The following HDAC5 variants were observed in gnomAD, a reference collection of about 807,000 sequenced individuals.
HDAC5 encodes the protein histone deacetylase 5, also known as antigen NY-CO-9.
In HDAC5, 25 loss-of-function variants were observed where a neutral mutation model predicts 133.3. That is an observed-to-expected ratio of 0.19 (90% confidence interval 0.14 to 0.26). The LOEUF is 0.26. Ranked by LOEUF, HDAC5 falls within the 10% of genes least tolerant of loss-of-function variation. The pLI, the probability that HDAC5 is intolerant of heterozygous loss-of-function variation, is 1.00. For missense variants in HDAC5, 1,041 were observed against 1,460.5 expected, an observed-to-expected ratio of 0.71 and a Z score of 4.68; for synonymous variants, 589 against 610.8, an observed-to-expected ratio of 0.96 and a Z score of 0.53.
intron 3 of HDAC5, among the ~76,000 whole-genome samples, chr17:44,109,204 G>A (rs1281544581): frequency 6.6e-6 from 1 of 152,222 alleles, no homozygotes; most frequent in Non-Finnish European, 1.5e-5. Context: ...GCGTGGAGCT[G>A]TCCCAAGCAG....
At chr17:44,119,504 T>A (rs970875803) in intron 1 of HDAC5, among the ~76,000 whole-genome samples, 8 of 152,156 alleles carry the variant, frequency 5.3e-5, no homozygotes, top group African/African-American at 1.9e-4. Context: ...TCCTCACCCC[T>A]GAGGCAGAAG....
At chr17:44,115,573 G>A (rs182635051) in intron 2 of HDAC5, among the ~76,000 whole-genome samples, 2 of 152,192 alleles carry the variant, frequency 1.3e-5, no homozygotes, top group Non-Finnish European at 2.9e-5. Context: ...GAGCTGGGGG[G>A]AGGCTGACTA....
At chr17:44,091,535 A>AAAGT (rs763948107) in intron 10 of HDAC5, 43 bp from the exon 11 acceptor site, 1 of 1,518,770 alleles carries the variant, frequency 6.6e-7, no homozygotes. Context: ...CAGTCCTGCC[A>AAAGT]ACTTTGGACT....
chr17:44,091,613 C>A (rs2050954610), intron 10 of HDAC5, 87 bp downstream of exon 10: 1 of 1,498,612 alleles, frequency 6.7e-7, no homozygotes, highest in Non-Finnish European at 8.9e-7. Context: ...CCCTTAGGGC[C>A]TTGGAAGGGG....
intron 23 of HDAC5, among the ~76,000 whole-genome samples, chr17:44,079,858 C>A (rs561908046): frequency 1.4e-3 from 215 of 152,220 alleles, no homozygotes; most frequent in African/African-American, 5.0e-3. Context: ...CAGGGACCAA[C>A]AAGCCCATCT....
At chr17:44,082,718 T>C (rs570767798) in intron 19 of HDAC5, 46 bp from the exon 20 acceptor site, 4 of 1,610,950 alleles carry the variant, frequency 2.5e-6, no homozygotes, top group African/African-American at 1.3e-5. Context: ...AGCATGACGT[T>C]TGCAAGAGAC....
intron 2 of HDAC5, among the ~76,000 whole-genome samples, chr17:44,114,438 G>C (rs939475285): frequency 9.5e-5 from 10 of 105,046 alleles, no homozygotes; most frequent in Admixed American, 4.6e-4. Flanking sequence ...GAGCAGGCGT[G>C]GGGGGGGGGG....
chr17:44,113,426 A>G (rs1311204059), intron 2 of HDAC5, among the ~76,000 whole-genome samples: 1 of 152,208 alleles, frequency 6.6e-6, no homozygotes, highest in African/African-American at 2.4e-5. Flanking sequence ...TGCAATTCCC[A>G]GAACCCTCCA....
rs1432613948 is a variant in HDAC5 at position 44,091,256 on chromosome 17, A to G, written c.1387+14T>C. 3.1e-6 allele frequency: 5 copies of G among 1,599,402 alleles called. No homozygotes were observed. In the East Asian group the frequency reaches 1.1e-4, roughly 36 times the overall value. On this transcript the variant is annotated intron_variant, in intron 11 of 26. Transcript: ENST00000682912. ...CCTTAGCCCCCTCCCTTGCACAGCT[A>G]CCTGTCCACTCACCAGCAATGAGGG... is the stretch of plus-strand genomic sequence containing the variant.
In HDAC5 at chr17:44,116,532, T is replaced by C. The variant is rs760003023; in HGVS notation, c.22+962A>G. Among the ~76,000 whole-genome samples the C allele has an allele frequency of 3.9e-5, 6 of 152,320 alleles. No individual in the cohort carries two copies. In the South Asian group the frequency reaches 8.3e-4, roughly 21 times the overall value. On this transcript the variant is annotated intron_variant, in intron 2 of 26. Coordinates refer to ENST00000682912, the MANE Select transcript of HDAC5 (RefSeq NM_005474.5). ...AATGGGTATTCATCCTAGGCCCCAATTGCCCTATCTCTAAAAGGAGAAATA... is the reference window on the plus strand; with the variant it reads ...AATGGGTATTCATCCTAGGCCCCAACTGCCCTATCTCTAAAAGGAGAAATA...
At chr17:44,114,111 C>T (rs2052501503) in intron 2 of HDAC5, among the ~76,000 whole-genome samples, 1 of 152,266 alleles carries the variant, frequency 6.6e-6, no homozygotes, top group Non-Finnish European at 1.5e-5. Flanking sequence ...TACTTCCCCT[C>T]AGGGTTGACC....
intron 25 of HDAC5, 54 bp from the exon 26 acceptor site, chr17:44,078,719 A>G (rs1597920119): frequency 6.2e-7 from 1 of 1,609,574 alleles, no homozygotes; most frequent in East Asian, 2.2e-5. Flanking sequence ...ACCCACATGA[A>G]CAGTCCCAGT....
chr17:44,095,440 A>G (rs987114237), intron 3 of HDAC5, among the ~76,000 whole-genome samples: 2 of 151,940 alleles, frequency 1.3e-5, no homozygotes, highest in African/African-American at 4.8e-5. Context: ...GACCTTCTGG[A>G]TATCTCTACC....
At chr17:44,109,111 A>G (rs996144933) in intron 3 of HDAC5, among the ~76,000 whole-genome samples, 6 of 152,160 alleles carry the variant, frequency 3.9e-5, no homozygotes, top group Non-Finnish European at 8.8e-5. Flanking sequence ...CTGAGGAGGA[A>G]ACTTCCGGCC....
chr17:44,118,987 T>C (rs1453991324), intron 1 of HDAC5, among the ~76,000 whole-genome samples: 1 of 152,102 alleles, frequency 6.6e-6, no homozygotes, highest in South Asian at 2.1e-4. Flanking sequence ...CACATGCGCA[T>C]GCACGCACAC....
chr17:44,082,256 T>G, intron 20 of HDAC5: 3 of 356,212 alleles, frequency 8.4e-6, no homozygotes, highest in South Asian at 3.8e-5. Flanking sequence ...TTGTAGGGGG[T>G]GGGAGGAAAT....
intron 3 of HDAC5, among the ~76,000 whole-genome samples, chr17:44,097,109 G>A (rs2051321017): frequency 6.6e-6 from 1 of 152,246 alleles, no homozygotes; most frequent in South Asian, 2.1e-4. Flanking sequence ...TGTTTAGATG[G>A]GTCTGGATCT....
chr17:44,092,025 C>A, intron 9 of HDAC5, 147 bp downstream of exon 9: 1 of 933,804 alleles, frequency 1.1e-6, no homozygotes, highest in East Asian at 2.6e-5. Context: ...GCAATTAAGT[C>A]CAAGCAAGGA....
At chr17:44,108,101 A>G (rs228764) in intron 3 of HDAC5, among the ~76,000 whole-genome samples, 100,430 of 152,008 alleles carry the variant, frequency 0.66, 34,746 homozygotes, top group South Asian at 0.88. Flanking sequence ...TGCACTGGGG[A>G]GCTGTGGTAG....
Sources: allele counts gnomAD v4.1 joint callset (sites outside exome capture counted in the v4.1 genomes callset), GRCh38; gene constraint gnomAD v4.1.1; transcripts MANE v1.5; gene names NCBI Gene and HGNC (gene_info 2026-07-23, HGNC 2026-07-21).